WWOX: variants seen among roughly 807,000 people sequenced by gnomAD.
The protein encoded by WWOX is WW domain containing oxidoreductase, also known as WW domain-containing oxidoreductase.
A neutral mutation model predicts 46.2 loss-of-function variants in WWOX; 69 were observed. The ratio of observed to expected loss-of-function variants is 1.49; its 90% CI spans 1.23 to 1.82. WWOX has a LOEUF of 1.82. WWOX is among the 40% of genes most tolerant of loss of function. The probability of loss-of-function intolerance (pLI) is 0.00; values close to 1 mark genes in which losing one functional copy is unlikely to be tolerated. For missense variants in WWOX, 919 were observed against 542.6 expected, an observed-to-expected ratio of 1.69 and a Z score of -6.89; for synonymous variants, 359 against 202.6, an observed-to-expected ratio of 1.77 and a Z score of -6.56.
At chr16:78,321,288 A>G (rs1294007407) in intron 5 of WWOX, among the ~76,000 whole-genome samples, 5 of 124,366 alleles carry the variant, frequency 4.0e-5, no homozygotes, top group Non-Finnish European at 3.2e-5. Context: ...ATATATATAT[A>G]TACGTATATA....
At chr16:78,560,206 A>G (rs1252043035) in intron 8 of WWOX, among the ~76,000 whole-genome samples, 6 of 152,134 alleles carry the variant, frequency 3.9e-5, no homozygotes, top group Non-Finnish European at 7.3e-5. Flanking sequence ...TGAAACAGGT[A>G]CCTTTTGTGG....
chr16:78,933,299 C>T (rs1378130345), intron 8 of WWOX, among the ~76,000 whole-genome samples: 2 of 152,140 alleles, frequency 1.3e-5, no homozygotes, highest in Non-Finnish European at 2.9e-5. Context: ...ATTAGCTGAG[C>T]ATGGTGTCAC....
chr16:79,165,151 A>G (rs370287663), intron 8 of WWOX, among the ~76,000 whole-genome samples: 1 of 29,158 alleles, frequency 3.4e-5, no homozygotes, highest in Non-Finnish European at 5.4e-5. Flanking sequence ...AAAACGAAGG[A>G]AAAAAAAAAA....
intron 8 of WWOX, among the ~76,000 whole-genome samples, chr16:78,544,102 T>C (rs1156243595): frequency 4.6e-5 from 7 of 152,186 alleles, no homozygotes; most frequent in Non-Finnish European, 1.0e-4. Flanking sequence ...TTTCAGGATA[T>C]TTGTGAATTA....
At chr16:78,759,566 C>T (rs2049739972) in intron 8 of WWOX, among the ~76,000 whole-genome samples, 1 of 152,120 alleles carries the variant, frequency 6.6e-6, no homozygotes, top group African/African-American at 2.4e-5. Context: ...TCATTGAATC[C>T]TTTAAACTAA....
intron 8 of WWOX, among the ~76,000 whole-genome samples, chr16:79,162,335 G>A (rs1383474755): frequency 6.6e-6 from 1 of 152,196 alleles, no homozygotes; most frequent in Non-Finnish European, 1.5e-5. Flanking sequence ...TGCCTTGCAA[G>A]TTTGGAGTTA....
At chr16:78,424,260 G>A (rs1454737463) in intron 6 of WWOX, among the ~76,000 whole-genome samples, 1 of 151,778 alleles carries the variant, frequency 6.6e-6, no homozygotes, top group African/African-American at 2.4e-5. Context: ...TGGGATTACA[G>A]ACATATACCA....
chr16:78,425,853 C>G (rs371240599), intron 7 of WWOX, among the ~76,000 whole-genome samples: 1 of 152,006 alleles, frequency 6.6e-6, no homozygotes, highest in Non-Finnish European at 1.5e-5. Context: ...AAAAAAATAA[C>G]GTGCAAGGGG....
At position 78,598,445 on chromosome 16, in the gene WWOX, C is replaced by T. The variant is rs557406894; in HGVS notation, c.1056+165693C>T. On this transcript the variant is annotated intron_variant, in intron 8 of 8. Transcript: ENST00000566780. ...TTATTAACTTCTTCCTCTTTCCCCC[C>T]GCCCTGGCCCCTGTGCATTTTGGTT... 1.4e-4 allele frequency among the ~76,000 whole-genome samples: 21 copies of T among 152,256 alleles called. No homozygotes were observed. The East Asian group carries it at 1.7e-3, about 13-fold the overall frequency.
At chr16:79,164,218 T>A (rs2050546577) in intron 8 of WWOX, among the ~76,000 whole-genome samples, 1 of 152,192 alleles carries the variant, frequency 6.6e-6, no homozygotes, top group Non-Finnish European at 1.5e-5. Context: ...CTACAGCAAT[T>A]GAGGCTTGCC....
chr16:78,129,774 T>A (rs1020002845), intron 4 of WWOX, among the ~76,000 whole-genome samples: 2 of 152,106 alleles, frequency 1.3e-5, no homozygotes, highest in African/African-American at 4.8e-5. Context: ...AAATGTAGAT[T>A]TATGACAGTT....
At chr16:79,001,355 G>A (rs1471730882) in intron 8 of WWOX, among the ~76,000 whole-genome samples, 1 of 151,962 alleles carries the variant, frequency 6.6e-6, no homozygotes, top group Non-Finnish European at 1.5e-5. Context: ...ATTTCTTTAA[G>A]GGATGCTGTT....
intron 8 of WWOX, among the ~76,000 whole-genome samples, chr16:78,925,778 A>C (rs1352859230): frequency 1.3e-5 from 2 of 152,150 alleles, no homozygotes; most frequent in African/African-American, 2.4e-5. Context: ...TTGCAGGGTG[A>C]GGCTTTGGCC....
chr16:78,669,882 T>A (rs2047419909), intron 8 of WWOX, among the ~76,000 whole-genome samples: 1 of 152,178 alleles, frequency 6.6e-6, no homozygotes, highest in Non-Finnish European at 1.5e-5. Flanking sequence ...CTCTCCACGT[T>A]ACGTTTTTTT....
intron 8 of WWOX, among the ~76,000 whole-genome samples, chr16:79,192,306 TTCATTCATTCATTCATTC>T (rs2051152392): frequency 2.1e-5 from 1 of 47,320 alleles, no homozygotes; most frequent in Non-Finnish European, 8.6e-5. Flanking sequence ...CAGTGATTCA[TTCATTCATTCATTCATTC>T]ATTCATTCAT....
At chr16:78,479,475 T>G (rs2084435652) in intron 8 of WWOX, among the ~76,000 whole-genome samples, 1 of 152,236 alleles carries the variant, frequency 6.6e-6, no homozygotes, top group Non-Finnish European at 1.5e-5. Flanking sequence ...CAAGTAACTT[T>G]AGATGCAAAT....
chr16:78,914,942 G>GGC (rs1299606674), intron 8 of WWOX, among the ~76,000 whole-genome samples: 2 of 151,266 alleles, frequency 1.3e-5, no homozygotes, highest in Non-Finnish European at 2.9e-5. Flanking sequence ...GCTGTGGTCT[G>GGC]GCCTGGTGGA....
intron 5 of WWOX, among the ~76,000 whole-genome samples, chr16:78,182,964 A>AAAAAAAAG (rs2035580019): frequency 6.9e-6 from 1 of 145,780 alleles, no homozygotes; most frequent in Non-Finnish European, 1.5e-5. Flanking sequence ...AAAAAAAAAA[A>AAAAAAAAG]AAAGAAAGAA....
At chr16:79,065,198 A>G (rs957341620) in intron 8 of WWOX, among the ~76,000 whole-genome samples, 4 of 152,170 alleles carry the variant, frequency 2.6e-5, no homozygotes, top group African/African-American at 9.7e-5. Context: ...TAGTTCTTAT[A>G]ATTGCTCAAT....
Sources: gnomAD v4.1 joint callset for allele counts (sites outside exome capture counted in the v4.1 genomes callset) on GRCh38, gnomAD v4.1.1 for gene constraint, MANE v1.5 for transcripts, NCBI Gene and HGNC (gene_info 2026-07-23, HGNC 2026-07-21) for gene names.